The following SLC35F1 variants were observed in gnomAD, a reference collection of about 807,000 sequenced individuals.
The protein encoded by SLC35F1 is solute carrier family 35 member F1.
Under a neutral mutation model 48.7 loss-of-function variants are expected in SLC35F1, and 14 were observed. That is an observed-to-expected ratio of 0.29 (90% CI 0.19 to 0.45). The LOEUF (loss-of-function observed/expected upper bound fraction) is 0.45. SLC35F1 is among the 20% of genes least tolerant of loss of function. The pLI, the probability that SLC35F1 is intolerant of heterozygous loss-of-function variation, is 1.00. For synonymous variants in SLC35F1, 190 were observed against 202.2 expected (o/e 0.94, Z 0.51); for missense variants, 404 against 500.0 (o/e 0.81, Z 1.83).
At chr6:118,037,346 T>G (rs1772148986) in intron 1 of SLC35F1, among the ~76,000 whole-genome samples, 1 of 152,188 alleles carries the variant, frequency 6.6e-6, no homozygotes, top group Admixed American at 6.5e-5. Flanking sequence ...ATGTTTAGCA[T>G]TTTTTGGATA....
At chr6:118,255,907 A>G (rs970200716) in intron 3 of SLC35F1, among the ~76,000 whole-genome samples, 6 of 152,150 alleles carry the variant, frequency 3.9e-5, no homozygotes, top group East Asian at 1.9e-4. Context: ...CTAAACAGTA[A>G]ATTCTAAGGT....
intron 1 of SLC35F1, among the ~76,000 whole-genome samples, chr6:117,996,211 G>C (rs1582607027): frequency 1.3e-5 from 2 of 152,278 alleles, no homozygotes. Flanking sequence ...ACAAACTTTA[G>C]TGTTAAGATT....
At chr6:118,194,093 A>T (rs760229375) in intron 2 of SLC35F1, among the ~76,000 whole-genome samples, 18 of 152,140 alleles carry the variant, frequency 1.2e-4, no homozygotes, top group Non-Finnish European at 2.2e-4. Flanking sequence ...ATATAACTAC[A>T]CAGACAGACA....
intron 1 of SLC35F1, among the ~76,000 whole-genome samples, chr6:118,042,683 G>A (rs895512031): frequency 6.6e-6 from 1 of 152,150 alleles, no homozygotes; most frequent in Admixed American, 6.5e-5. Context: ...GAGGGATCAT[G>A]TTGGTCTGTT....
intron 2 of SLC35F1, among the ~76,000 whole-genome samples, chr6:118,188,157 G>A (rs1274680536): frequency 6.6e-6 from 1 of 152,146 alleles, no homozygotes. Flanking sequence ...TCCTGGTAGT[G>A]GCACTCCAGA....
intron 1 of SLC35F1, among the ~76,000 whole-genome samples, chr6:118,089,145 A>G (rs1773035389): frequency 6.6e-6 from 1 of 152,218 alleles, no homozygotes; most frequent in African/African-American, 2.4e-5. Flanking sequence ...GGTGTGGGAA[A>G]GAGAGAGGAC....
chr6:117,919,449 G>A (rs1775868232), intron 1 of SLC35F1, among the ~76,000 whole-genome samples: 1 of 152,122 alleles, frequency 6.6e-6, no homozygotes, highest in Non-Finnish European at 1.5e-5. Flanking sequence ...CTGTTATCCT[G>A]GTCCCAAAAT....
intron 1 of SLC35F1, among the ~76,000 whole-genome samples, chr6:118,100,120 C>T (rs1773235177): frequency 6.6e-6 from 1 of 152,124 alleles, no homozygotes; most frequent in African/African-American, 2.4e-5. Context: ...GTTTGAATAA[C>T]TTGCTCTAGG....
intron 1 of SLC35F1, among the ~76,000 whole-genome samples, chr6:117,979,693 C>T (rs1776750449): frequency 6.6e-6 from 1 of 152,140 alleles, no homozygotes; most frequent in Admixed American, 6.5e-5. Context: ...CTTTTCTTCT[C>T]TGTGGCTCTT....
intron 1 of SLC35F1, among the ~76,000 whole-genome samples, chr6:118,083,198 G>A (rs753410760): frequency 3.5e-4 from 53 of 152,098 alleles, no homozygotes; most frequent in Non-Finnish European, 6.2e-4. Flanking sequence ...TGGCCCATTG[G>A]GAAGGATATG....
chr6:118,197,666 A>G (rs2114531318), intron 2 of SLC35F1, among the ~76,000 whole-genome samples: 1 of 151,962 alleles, frequency 6.6e-6, no homozygotes, highest in South Asian at 2.1e-4. Flanking sequence ...AATTGTACTC[A>G]GTCCTTACAA....
chr6:118,040,359 C>T (rs1235460260), intron 1 of SLC35F1, among the ~76,000 whole-genome samples: 5 of 152,054 alleles, frequency 3.3e-5, no homozygotes, highest in South Asian at 2.1e-4. Flanking sequence ...CTGCCCTAGT[C>T]GTTAGGTAGT....
At chr6:118,033,866 T>C (rs1037065615) in intron 1 of SLC35F1, among the ~76,000 whole-genome samples, 10 of 152,212 alleles carry the variant, frequency 6.6e-5, no homozygotes, top group African/African-American at 2.2e-4. Flanking sequence ...TGTAGGCTCA[T>C]TGAGATCTGT....
intron 2 of SLC35F1, among the ~76,000 whole-genome samples, chr6:118,216,595 G>A (rs1775076476): frequency 7.1e-6 from 1 of 140,520 alleles, no homozygotes; most frequent in Non-Finnish European, 1.5e-5. Context: ...AGGCCTTATA[G>A]CAACTTACTT....
intron 1 of SLC35F1, among the ~76,000 whole-genome samples, chr6:118,024,402 G>A (rs1286502675): frequency 2.0e-5 from 3 of 152,224 alleles, no homozygotes; most frequent in Non-Finnish European, 2.9e-5. Context: ...AATGGAGAAT[G>A]ACTTAAGATC....
chr6:118,110,934 CT>C (rs1773390767), intron 1 of SLC35F1, among the ~76,000 whole-genome samples: 1 of 151,936 alleles, frequency 6.6e-6, no homozygotes, highest in African/African-American at 2.4e-5. Flanking sequence ...TGTTGTTGGG[CT>C]TTGGTAAAAC....
intron 7 of SLC35F1, among the ~76,000 whole-genome samples, chr6:118,297,288 T>C (rs984446510): frequency 1.3e-5 from 2 of 152,168 alleles, no homozygotes; most frequent in Admixed American, 6.5e-5. Context: ...CTCTGAAATA[T>C]AGGTTCTTCT....
intron 2 of SLC35F1, among the ~76,000 whole-genome samples, chr6:118,220,283 A>C (rs565202451): frequency 6.6e-6 from 1 of 152,328 alleles, no homozygotes; most frequent in South Asian, 2.1e-4. Context: ...AACTCAGAGG[A>C]AAAGTCAATG....
At chr6:118,245,785 T>C (rs1295091583) in intron 3 of SLC35F1, among the ~76,000 whole-genome samples, 1 of 152,194 alleles carries the variant, frequency 6.6e-6, no homozygotes, top group East Asian at 1.9e-4. Context: ...CTTAAGTTGT[T>C]CTCTGATGTG....
Sources: allele counts gnomAD v4.1 joint callset (sites outside exome capture counted in the v4.1 genomes callset), GRCh38; gene constraint gnomAD v4.1.1; transcripts MANE v1.5; gene names NCBI Gene and HGNC (gene_info 2026-07-23, HGNC 2026-07-21).